The following EFEMP1 variants were observed in gnomAD, a reference collection of about 807,000 sequenced individuals.
The protein encoded by EFEMP1 is EGF-like fibulin extracellular matrix protein 1, also known as EGF-containing fibulin-like extracellular matrix protein 1.
Under a neutral mutation model 65.7 loss-of-function variants are expected in EFEMP1, and 18 were observed. The ratio of observed to expected loss-of-function variants is 0.27; its 90% CI spans 0.19 to 0.41. EFEMP1 has a LOEUF of 0.41. Ranked by LOEUF, EFEMP1 falls within the 10% of genes least tolerant of loss-of-function variation. EFEMP1 has a pLI of 1.00. For synonymous variants in EFEMP1, 237 were observed against 219.7 expected (o/e 1.08, Z -0.70); for missense variants, 469 against 624.8 (o/e 0.75, Z 2.66).
At chr2:55,875,743 C>T (rs1669007443) in intron 8 of EFEMP1, among the ~76,000 whole-genome samples, 1 of 152,108 alleles carries the variant, frequency 6.6e-6, no homozygotes. Flanking sequence ...CTTTGAATGC[C>T]AAGTCCCCTA....
At chr2:55,881,430 A>G (rs533383734) in intron 6 of EFEMP1, among the ~76,000 whole-genome samples, 182 bp downstream of exon 6, 1 of 152,326 alleles carries the variant, frequency 6.6e-6, no homozygotes, top group East Asian at 1.9e-4. Context: ...GTTATCCAGA[A>G]TAGCTCAACC....
At chr2:55,874,918 TA>T in intron 9 of EFEMP1, 27 bp downstream of exon 9, 1 of 1,579,146 alleles carries the variant, frequency 6.3e-7, no homozygotes, top group Non-Finnish European at 8.6e-7. Context: ...ACTAAATACC[TA>T]ACATATGAAA....
intron 5 of EFEMP1, among the ~76,000 whole-genome samples, chr2:55,915,163 A>G (rs535005851): frequency 6.6e-6 from 1 of 152,360 alleles, no homozygotes; most frequent in Non-Finnish European, 1.5e-5. Flanking sequence ...AATCCAACTT[A>G]AGCCCTAAGC....
intron 5 of EFEMP1, among the ~76,000 whole-genome samples, chr2:55,893,752 C>T (rs1234028964): frequency 6.6e-6 from 1 of 152,140 alleles, no homozygotes; most frequent in Non-Finnish European, 1.5e-5. Flanking sequence ...AAGAACACTG[C>T]AGGAAGTTGG....
intron 5 of EFEMP1, among the ~76,000 whole-genome samples, chr2:55,894,807 G>C (rs1669753260): frequency 6.6e-6 from 1 of 152,132 alleles, no homozygotes; most frequent in African/African-American, 2.4e-5. Context: ...TTAACAAATA[G>C]GAAAAATGAA....
intron 5 of EFEMP1, among the ~76,000 whole-genome samples, chr2:55,888,334 CTTTTTTTTTTT>C (rs71713705): frequency 8.7e-6 from 1 of 114,308 alleles, no homozygotes; most frequent in Non-Finnish European, 1.7e-5. Flanking sequence ...CCTTCTTAAA[CTTTTTTTTTTT>C]TTTTTTTTTT....
At chr2:55,911,504 C>A (rs1376447519) in intron 5 of EFEMP1, among the ~76,000 whole-genome samples, 4 of 151,736 alleles carry the variant, frequency 2.6e-5, no homozygotes, top group Admixed American at 1.3e-4. Flanking sequence ...ATTGTTATAA[C>A]AATATATTTA....
chr2:55,877,451 C>T lies in EFEMP1; in HGVS notation c.760+295G>A, dbSNP rs560866896. On this transcript the variant is annotated intron_variant, in intron 7 of 11. Coordinates refer to ENST00000355426, the MANE Select transcript of EFEMP1 (RefSeq NM_001039348.3). This position sits in a 1 kb window ranked among gnomAD's most constrained non-coding sequence, Gnocchi z 4.5. ...CTTGTAGTAACCCCTTTGGCACTTT[C>T]AGCATTATATCACACACTGCTGATT... Among the ~76,000 whole-genome samples the T allele has an allele frequency of 3.3e-5, 5 of 152,258 alleles. No homozygotes were observed. The South Asian group carries it at 8.3e-4, about 25-fold the overall frequency.
chr2:55,880,480 C>G (rs1558465028), intron 6 of EFEMP1, among the ~76,000 whole-genome samples: 1 of 152,184 alleles, frequency 6.6e-6, no homozygotes, highest in South Asian at 2.1e-4. Context: ...TCATTTATAG[C>G]AAACCCTGGG....
At chr2:55,869,349 C>T (rs1366140858) in intron 11 of EFEMP1, among the ~76,000 whole-genome samples, 2 of 152,012 alleles carry the variant, frequency 1.3e-5, no homozygotes, top group African/African-American at 4.8e-5. Flanking sequence ...TTGGTAGTAT[C>T]TGAATTGTGT....
chr2:55,879,993 G>A (rs1669180687), intron 6 of EFEMP1, among the ~76,000 whole-genome samples: 2 of 152,182 alleles, frequency 1.3e-5, no homozygotes, highest in Admixed American at 6.5e-5. Flanking sequence ...CCTAAGCTAG[G>A]ATTTGACAGT....
At chr2:55,905,281 T>TTAAG (rs775355423) in intron 5 of EFEMP1, among the ~76,000 whole-genome samples, 34 of 152,330 alleles carry the variant, frequency 2.2e-4, no homozygotes, top group Admixed American at 5.2e-4. Flanking sequence ...ATCTTCTTTA[T>TTAAG]TAAGGTCTTC....
intron 5 of EFEMP1, among the ~76,000 whole-genome samples, chr2:55,898,843 A>C (rs1669931256): frequency 6.6e-6 from 1 of 152,076 alleles, no homozygotes; most frequent in Admixed American, 6.6e-5. Context: ...TGACACTGGG[A>C]CTGGGGTGGG....
intron 5 of EFEMP1, among the ~76,000 whole-genome samples, chr2:55,884,687 T>C (rs11691472): frequency 0.12 from 18,939 of 152,274 alleles, 1,588 homozygotes; most frequent in African/African-American, 0.24. Context: ...AGCCATGATT[T>C]TCCTGATAAT....
At chr2:55,876,183 A>AT (rs1342959533) in intron 8 of EFEMP1, among the ~76,000 whole-genome samples, 1 of 151,964 alleles carries the variant, frequency 6.6e-6, no homozygotes, top group East Asian at 1.9e-4. Context: ...AGATCTCCTG[A>AT]TTTTTATTTT....
chr2:55,915,382 G>A lies in EFEMP1; in HGVS notation c.517+2283C>T, dbSNP rs572892995. Among the ~76,000 whole-genome samples, 6 of 152,200 alleles carry A rather than the reference G, an allele frequency of 3.9e-5. No homozygotes were observed. In the East Asian group the frequency reaches 1.2e-3, roughly 29 times the overall value. ...TCCCAAAGAAGAAAGAACTATAAAT[G>A]TTTTACTATGTGAAACGTAACTTAC... On this transcript the variant is annotated intron_variant, in intron 5 of 11. Coordinates refer to ENST00000355426, the MANE Select transcript of EFEMP1 (RefSeq NM_001039348.3).
In EFEMP1 at chr2:55,922,270, G is replaced by T; in HGVS notation, c.81+90C>A. The T allele has an allele frequency of 8.5e-7, 1 of 1,176,450 alleles. No individual in the cohort carries two copies. The highest frequency in any genetic ancestry group is 1.3e-6 in the Non-Finnish European group (1 of 785,266). 72.9% of individuals were successfully genotyped at this position (1,176,450 alleles called of 1,614,324 possible). On this transcript the variant is annotated intron_variant, in intron 3 of 11. Transcript: ENST00000355426. The surrounding 1 kb of genome is among the most constrained non-coding windows in gnomAD (Gnocchi z 5.5). Reference sequence around the variant, plus strand: ...AATTTATCACCCTCAGCAGAGTATAGCCCAAATACACTGGCAGGGGTGTGT... The same window carrying T: ...AATTTATCACCCTCAGCAGAGTATATCCCAAATACACTGGCAGGGGTGTGT...
intron 5 of EFEMP1, among the ~76,000 whole-genome samples, chr2:55,891,566 T>C (rs1669628133): frequency 6.6e-6 from 1 of 152,106 alleles, no homozygotes; most frequent in Non-Finnish European, 1.5e-5. Flanking sequence ...ACGTATAGCT[T>C]TGTATAGCTG....
Position 55,871,235 on chromosome 2 carries a change from A to G in EFEMP1, c.1001-112T>C. The G allele has an allele frequency of 6.8e-7, 1 of 1,461,850 alleles. No homozygotes were observed. Among genetic ancestry groups the G allele is most frequent in the Non-Finnish European group, 9.4e-7 (1 of 1,059,184 alleles). The allele number at this position is 1,461,850 out of a possible 1,614,324, so 90.6% of individuals were successfully genotyped here. ...AGGAAGGAGGTGTGAGAGCATCTGG[A>G]CTGTGTTCAACCTGCTTTTAGACAC... On this transcript the variant is annotated intron_variant, in intron 9 of 11. Transcript: ENST00000355426. The surrounding 1 kb of genome is among the most constrained non-coding windows in gnomAD (Gnocchi z 4.2).
Sources: allele counts gnomAD v4.1 joint callset (sites outside exome capture counted in the v4.1 genomes callset), GRCh38; gene constraint gnomAD v4.1.1; non-coding constraint Gnocchi (gnomAD v3.1); transcripts MANE v1.5; gene names NCBI Gene and HGNC (gene_info 2026-07-23, HGNC 2026-07-21).